The following GRID2 variants were observed in gnomAD, a reference collection of about 807,000 sequenced individuals.
The protein encoded by GRID2 is glutamate ionotropic receptor delta type subunit 2, also known as glutamate receptor ionotropic, delta-2.
Under a neutral mutation model 114.8 loss-of-function variants are expected in GRID2, and 33 were observed. The observed-to-expected ratio is 0.29, with a 90% CI of 0.22 to 0.38. GRID2 has a LOEUF of 0.38. Among genes scored for constraint, GRID2 ranks in the 10% least tolerant of loss-of-function variants. The pLI is 1.00. For synonymous variants in GRID2, 505 were observed against 449.9 expected, an observed-to-expected ratio of 1.12 and a Z score of -1.55; for missense variants, 1,184 against 1,257.7, an observed-to-expected ratio of 0.94 and a Z score of 0.89.
At chr4:93,057,305 TCA>T (rs1182508984) in intron 2 of GRID2, among the ~76,000 whole-genome samples, 1 of 151,936 alleles carries the variant, frequency 6.6e-6, no homozygotes, top group Admixed American at 6.6e-5. Flanking sequence ...TGTCCCTGTT[TCA>T]GTTAGTAAAG....
intron 13 of GRID2, among the ~76,000 whole-genome samples, chr4:93,559,467 A>T (rs932881630): frequency 1.3e-5 from 2 of 152,208 alleles, no homozygotes; most frequent in Non-Finnish European, 2.9e-5. Context: ...GGACAACAAA[A>T]ATATGAAAAA....
intron 13 of GRID2, among the ~76,000 whole-genome samples, chr4:93,515,793 T>C (rs1729661688): frequency 6.6e-6 from 1 of 152,212 alleles, no homozygotes; most frequent in Non-Finnish European, 1.5e-5. Context: ...CACTTGTTTT[T>C]GGATTAAACC....
intron 2 of GRID2, among the ~76,000 whole-genome samples, chr4:92,917,203 G>C (rs1748880838): frequency 1.3e-5 from 2 of 152,042 alleles, no homozygotes; most frequent in Non-Finnish European, 2.9e-5. Context: ...GTGGTGATGG[G>C]GTTGTTTGTT....
intron 2 of GRID2, among the ~76,000 whole-genome samples, chr4:92,816,655 T>TTTGATTCATGTGGTCTAGATTCATGTGG: frequency 6.6e-6 from 1 of 152,030 alleles, no homozygotes; most frequent in Non-Finnish European, 1.5e-5. Context: ...ACTAAAAGAG[T>TTTGATTCATGTGGTCTAGATTCATGTGG]TCTGGCATTT....
intron 1 of GRID2, among the ~76,000 whole-genome samples, chr4:92,439,175 G>A (rs967284931): frequency 1.3e-5 from 2 of 151,708 alleles, no homozygotes; most frequent in Non-Finnish European, 2.9e-5. Flanking sequence ...GCTCAGTGGG[G>A]GTGCTTTTTG....
rs570889190 is a variant in GRID2, at chr4:93,175,937, G to A, written c.736-31467G>A. Among the ~76,000 whole-genome samples the A allele has an allele frequency of 7.2e-5, 11 of 152,190 alleles. No individual in the cohort carries two copies. In the East Asian group the frequency reaches 9.7e-4, roughly 13 times the overall value. On this transcript the variant is annotated intron_variant, in intron 4 of 15. Coordinates refer to ENST00000282020, the MANE Select transcript of GRID2 (RefSeq NM_001510.4). ...AACACTCAGAATCTGCATTAGGAGT[G>A]GACCTCTTTCTCAGACAGTCATGAG...
At chr4:92,875,090 C>T (rs1279357691) in intron 2 of GRID2, among the ~76,000 whole-genome samples, 1 of 148,378 alleles carries the variant, frequency 6.7e-6, no homozygotes, top group Non-Finnish European at 1.5e-5. Flanking sequence ...TTTCGTGTGC[C>T]AAGGAACTAG....
intron 14 of GRID2, among the ~76,000 whole-genome samples, chr4:93,740,018 T>A (rs1731237613): frequency 6.6e-6 from 1 of 152,152 alleles, no homozygotes; most frequent in African/African-American, 2.4e-5. Context: ...GAAACAATAG[T>A]CATGCATGAC....
chr4:93,763,854 G>A (rs890400081), intron 14 of GRID2, among the ~76,000 whole-genome samples: 1 of 152,106 alleles, frequency 6.6e-6, no homozygotes, highest in Admixed American at 6.6e-5. Context: ...AAAGGCAGGT[G>A]TCATTTTTCT....
intron 2 of GRID2, among the ~76,000 whole-genome samples, chr4:92,852,763 T>C (rs1743916414): frequency 6.6e-6 from 1 of 151,894 alleles, no homozygotes; most frequent in South Asian, 2.1e-4. Context: ...ACTGGAATAT[T>C]ATGAAGAGCC....
chr4:92,490,099 T>A (rs1233327197), intron 1 of GRID2, among the ~76,000 whole-genome samples: 1 of 152,172 alleles, frequency 6.6e-6, no homozygotes, highest in Non-Finnish European at 1.5e-5. Flanking sequence ...AGGAAGAATT[T>A]CATTTGGAAC....
chr4:92,560,692 AC>A (rs773384203), intron 1 of GRID2, among the ~76,000 whole-genome samples: 7 of 151,702 alleles, frequency 4.6e-5, no homozygotes, highest in Non-Finnish European at 7.4e-5. Flanking sequence ...GTTGAAGCCC[AC>A]CTTCTACATG....
intron 8 of GRID2, among the ~76,000 whole-genome samples, chr4:93,262,120 A>C (rs1327821663): frequency 6.6e-6 from 1 of 151,700 alleles, no homozygotes; most frequent in Non-Finnish European, 1.5e-5. Context: ...GTCAATACCT[A>C]ATAAGGGAAA....
chr4:92,777,096 A>C lies in GRID2; in HGVS notation c.244+186810A>C, dbSNP rs149636100. Reference sequence around the variant, plus strand: ...GAAGTGCTTATGTAAAGACTAGATAATTCTTCATCCGAGATACTAGAGAAG... The same window carrying C: ...GAAGTGCTTATGTAAAGACTAGATACTTCTTCATCCGAGATACTAGAGAAG... On this transcript the variant is annotated intron_variant, in intron 2 of 15. Transcript: ENST00000282020. 2.0e-5 allele frequency among the ~76,000 whole-genome samples: 3 copies of C among 151,876 alleles called. No homozygotes were observed. The East Asian group carries it at 5.8e-4, about 29-fold the overall frequency.
intron 2 of GRID2, among the ~76,000 whole-genome samples, chr4:93,076,869 C>T (rs74516565): frequency 0.028 from 4,270 of 152,054 alleles, 202 homozygotes; most frequent in African/African-American, 0.096. Context: ...CCACCTGCTT[C>T]GGCCCAACCT....
chr4:93,142,670 C>A (rs149958015), intron 4 of GRID2, among the ~76,000 whole-genome samples: 1 of 152,110 alleles, frequency 6.6e-6, no homozygotes, highest in South Asian at 2.1e-4. Flanking sequence ...CATTTCTGGT[C>A]GATATGTACT....
chr4:93,247,397 T>A (rs115814564), intron 8 of GRID2, among the ~76,000 whole-genome samples: 3 of 152,128 alleles, frequency 2.0e-5, no homozygotes, highest in Admixed American at 6.6e-5. Flanking sequence ...ATCCAATCTG[T>A]TGGGGAACTG....
chr4:92,924,163 A>G (rs1010350784), intron 2 of GRID2, among the ~76,000 whole-genome samples: 1 of 152,046 alleles, frequency 6.6e-6, no homozygotes, highest in Admixed American at 6.6e-5. Context: ...AAAACCAAAC[A>G]CCACATGTTC....
intron 2 of GRID2, among the ~76,000 whole-genome samples, chr4:92,732,040 AG>A (rs1171770698): frequency 6.6e-6 from 1 of 151,944 alleles, no homozygotes; most frequent in Non-Finnish European, 1.5e-5. Flanking sequence ...AAAATGGGGA[AG>A]ATAAAAGAAG....
Sources: gnomAD v4.1 joint callset for allele counts (sites outside exome capture counted in the v4.1 genomes callset) on GRCh38, gnomAD v4.1.1 for gene constraint, MANE v1.5 for transcripts, NCBI Gene and HGNC (gene_info 2026-07-23, HGNC 2026-07-21) for gene names.